The following BABAM2 variants were observed in gnomAD, a reference collection of about 807,000 sequenced individuals.
BABAM2 encodes BRISC and BRCA1-A complex member 2.
BABAM2 carries 31 observed loss-of-function variants against 54.7 expected under a neutral mutation model. The observed-to-expected ratio is 0.57, with a 90% confidence interval of 0.43 to 0.77. The LOEUF is 0.77. Ranked by LOEUF, BABAM2 falls within the 30% of genes least tolerant of loss-of-function variation. BABAM2 has a pLI of 0.00. For missense variants in BABAM2, 364 were observed against 455.8 expected (o/e 0.80, Z 1.83); for synonymous variants, 167 against 162.9 (o/e 1.03, Z -0.19).
intron 10 of BABAM2, among the ~76,000 whole-genome samples, chr2:28,287,340 T>C (rs1686911093): frequency 6.6e-6 from 1 of 152,248 alleles, no homozygotes. Flanking sequence ...TGTGACTCAA[T>C]TCTTTTAAAA....
At chr2:28,246,041 G>A (rs1467850107) in intron 10 of BABAM2, among the ~76,000 whole-genome samples, 2 of 152,178 alleles carry the variant, frequency 1.3e-5, no homozygotes, top group Admixed American at 6.5e-5. Flanking sequence ...AGAGATGATC[G>A]AGCGCAGGCC....
At chr2:28,084,331 A>AT (rs1170570045) in intron 6 of BABAM2, among the ~76,000 whole-genome samples, 1 of 152,312 alleles carries the variant, frequency 6.6e-6, no homozygotes, top group East Asian at 1.9e-4. Flanking sequence ...GGCAGTGTGC[A>AT]TAGGATACCT....
rs1553336494 is a variant in BABAM2, at chr2:28,183,739, T to TCTCACACACACA, written c.681-53462_681-53461insTCACACACACAC. ...ATTTTATGTTACTTTTGGATGAAGA[T>TCTCACACACACA]CACACACACACACACACACACACAC... On this transcript the variant is annotated intron_variant, in intron 7 of 11. Coordinates refer to ENST00000379624, the MANE Select transcript of BABAM2 (RefSeq NM_199191.3). Among the ~76,000 whole-genome samples, 643 of 133,210 alleles carry TCTCACACACACA rather than the reference T, an allele frequency of 4.8e-3. 9 individuals are homozygous for TCTCACACACACA. Among genetic ancestry groups the TCTCACACACACA allele is most frequent in the African/African-American group, 0.016 (576 of 37,128 alleles). 87.4% of individuals were successfully genotyped at this position (133,210 alleles called of 152,430 possible).
intron 6 of BABAM2, among the ~76,000 whole-genome samples, chr2:28,050,510 T>G (rs780172987): frequency 6.6e-6 from 1 of 152,180 alleles, no homozygotes; most frequent in East Asian, 1.9e-4. Flanking sequence ...GTGGCCAGAA[T>G]GAGTTTGGCT....
intron 7 of BABAM2, among the ~76,000 whole-genome samples, chr2:28,131,644 CTGGCACTACAGTAAACACTCAGCAAGT>C (rs1670087056): frequency 6.6e-6 from 1 of 152,128 alleles, no homozygotes; most frequent in African/African-American, 2.4e-5. Flanking sequence ...ATCACAGTGC[CTGGCACTACAGTAAACACTCAGCAAGT>C]AATAGCCATG....
At chr2:28,250,892 C>T (rs769296541) in intron 10 of BABAM2, among the ~76,000 whole-genome samples, 3 of 152,202 alleles carry the variant, frequency 2.0e-5, no homozygotes, top group Non-Finnish European at 2.9e-5. Flanking sequence ...AGCCACCACG[C>T]CCAGCCACAG....
chr2:28,288,351 A>G (rs1298273633), intron 10 of BABAM2, among the ~76,000 whole-genome samples: 2 of 145,798 alleles, frequency 1.4e-5, no homozygotes, highest in African/African-American at 2.5e-5. Flanking sequence ...TTTTTGAGAC[A>G]GTCTTGCTCT....
intron 5 of BABAM2, among the ~76,000 whole-genome samples, chr2:28,034,268 C>T (rs1003830500): frequency 3.9e-5 from 6 of 152,092 alleles, no homozygotes; most frequent in African/African-American, 1.4e-4. Flanking sequence ...CATTCTGCCA[C>T]CCGTTCTTTT....
intron 5 of BABAM2, among the ~76,000 whole-genome samples, chr2:28,036,305 A>G (rs1558676323): frequency 6.6e-6 from 1 of 152,214 alleles, no homozygotes; most frequent in African/African-American, 2.4e-5. Context: ...TGTTTAAAAA[A>G]TTGTTTTCGG....
At chr2:28,119,527 C>T (rs914593969) in intron 6 of BABAM2, among the ~76,000 whole-genome samples, 1 of 152,164 alleles carries the variant, frequency 6.6e-6, no homozygotes, top group Non-Finnish European at 1.5e-5. Flanking sequence ...ATTTGGCCAA[C>T]AAAATCTTGA....
chr2:28,191,650 C>T (rs1182761304), intron 7 of BABAM2, among the ~76,000 whole-genome samples: 2 of 152,156 alleles, frequency 1.3e-5, no homozygotes, highest in Admixed American at 6.5e-5. Context: ...AAGAAGAGTA[C>T]ATGCTGCATG....
rs375904952 is a variant in BABAM2, at chr2:28,034,198, G to A, written c.495+8778G>A. Reference sequence around the variant, plus strand: ...TTGAGTGTGAGCTCCTCTACACAGAGGCCATTTGAAGATGTGTTGGAGAGG... The same window carrying A: ...TTGAGTGTGAGCTCCTCTACACAGAAGCCATTTGAAGATGTGTTGGAGAGG... On this transcript the variant is annotated intron_variant, in intron 5 of 11. Transcript: ENST00000379624. 2.0e-5 allele frequency among the ~76,000 whole-genome samples: 3 copies of A among 152,202 alleles called. No homozygotes were observed. The East Asian group carries it at 5.8e-4, about 29-fold the overall frequency.
chr2:28,336,960 TCTC>T (rs1320507245), intron 11 of BABAM2, among the ~76,000 whole-genome samples: 1 of 152,138 alleles, frequency 6.6e-6, no homozygotes, highest in Non-Finnish European at 1.5e-5. Flanking sequence ...CTGCTTCTGA[TCTC>T]CTGGGAGCTG....
At chr2:28,140,070 C>A (rs1670909184) in intron 7 of BABAM2, among the ~76,000 whole-genome samples, 1 of 152,044 alleles carries the variant, frequency 6.6e-6, no homozygotes, top group Non-Finnish European at 1.5e-5. Context: ...TTATCCAACT[C>A]AATGCTTTTC....
chr2:28,138,627 A>C (rs533032224), intron 7 of BABAM2, among the ~76,000 whole-genome samples: 24 of 152,234 alleles, frequency 1.6e-4, no homozygotes, highest in African/African-American at 5.1e-4. Context: ...TAAAGTGTGA[A>C]TTATCATCTA....
At chr2:28,074,850 A>T (rs1444356919) in intron 6 of BABAM2, among the ~76,000 whole-genome samples, 1 of 152,024 alleles carries the variant, frequency 6.6e-6, no homozygotes, top group African/African-American at 2.4e-5. Context: ...TTTGTTTGAG[A>T]TGTAAGTTTT....
At chr2:28,115,632 A>G (rs1668546612) in intron 6 of BABAM2, among the ~76,000 whole-genome samples, 2 of 151,748 alleles carry the variant, frequency 1.3e-5, no homozygotes, top group South Asian at 4.2e-4. Context: ...CTCAAAAAAT[A>G]AATAAATAAA....
In BABAM2 at chr2:27,990,465, A is replaced by C. The variant is rs146850641; in HGVS notation, c.300+2378A>C. Among the ~76,000 whole-genome samples the C allele has an allele frequency of 6.5e-3, 985 of 152,300 alleles. 8 individuals carry two copies. Among genetic ancestry groups the C allele is most frequent in the Non-Finnish European group, 0.012 (789 of 68,030 alleles). On this transcript the variant is annotated intron_variant, in intron 4 of 11. Coordinates refer to ENST00000379624, the MANE Select transcript of BABAM2 (RefSeq NM_199191.3). ...ATCATTAATAACCTGACTAGTCTAC[A>C]TATGGTTCTGAATGAAGGGGGAATA...
At chr2:28,260,371 G>A (rs1553352808) in intron 10 of BABAM2, among the ~76,000 whole-genome samples, 1 of 136,572 alleles carries the variant, frequency 7.3e-6, no homozygotes, top group East Asian at 2.2e-4. Flanking sequence ...GCACAATCTT[G>A]GTTCACTGCA....
Sources: allele counts gnomAD v4.1 joint callset (sites outside exome capture counted in the v4.1 genomes callset), GRCh38; gene constraint gnomAD v4.1.1; transcripts MANE v1.5; gene names NCBI Gene and HGNC (gene_info 2026-07-23, HGNC 2026-07-21).